Variants in FREM3 observed in about 807,000 individuals in gnomAD.
The protein encoded by FREM3 is FRAS1-related extracellular matrix protein 3.
Under a neutral mutation model 129.1 loss-of-function variants are expected in FREM3, and 105 were observed. The observed-to-expected ratio is 0.81, with a 90% CI of 0.69 to 0.96. FREM3 has a LOEUF of 0.96. FREM3 is among the 40% of genes least tolerant of loss of function. The pLI is 0.00. For missense variants in FREM3, 2,593 were observed against 2,666.3 expected, an observed-to-expected ratio of 0.97 and a Z score of 0.61; for synonymous variants, 1,014 against 1,044.9, an observed-to-expected ratio of 0.97 and a Z score of 0.57.
intron 1 of FREM3, among the ~76,000 whole-genome samples, 190 bp from the exon 2 acceptor site, chr4:143,693,392 A>G (rs1389692498): frequency 6.6e-6 from 1 of 152,220 alleles, no homozygotes; most frequent in Non-Finnish European, 1.5e-5. Context: ...ATTTGGTCTC[A>G]ATGAGGTACC....
intron 2 of FREM3, among the ~76,000 whole-genome samples, chr4:143,690,056 C>T (rs1255651333): frequency 6.6e-6 from 1 of 150,508 alleles, no homozygotes; most frequent in Non-Finnish European, 1.5e-5. Context: ...CTTGTCAAAA[C>T]CTTGATTCTA....
At chr4:143,680,254 T>A (rs1740226382) in intron 2 of FREM3, among the ~76,000 whole-genome samples, 2 of 147,258 alleles carry the variant, frequency 1.4e-5, no homozygotes, top group African/African-American at 2.7e-5. Flanking sequence ...TAGGGAATAA[T>A]GCATATATAT....
At chr4:143,586,631 T>G (rs1435392182) in intron 6 of FREM3, among the ~76,000 whole-genome samples, 1 of 152,056 alleles carries the variant, frequency 6.6e-6, no homozygotes, top group East Asian at 1.9e-4. Flanking sequence ...CAGCGGTGGG[T>G]AGAAGGGAAT....
chr4:143,692,306 T>C (rs753422378), intron 2 of FREM3, among the ~76,000 whole-genome samples: 1 of 152,180 alleles, frequency 6.6e-6, no homozygotes, highest in African/African-American at 2.4e-5. Flanking sequence ...GTATACCATA[T>C]GGCCTCTCAT....
chr4:143,679,690 C>A (rs1205577320), intron 2 of FREM3, among the ~76,000 whole-genome samples: 1 of 152,126 alleles, frequency 6.6e-6, no homozygotes. Context: ...CTTTACAGAA[C>A]CTGGGAATGC....
intron 6 of FREM3, among the ~76,000 whole-genome samples, chr4:143,608,491 G>A (rs1391773946): frequency 6.6e-6 from 1 of 152,124 alleles, no homozygotes; most frequent in Non-Finnish European, 1.5e-5. Flanking sequence ...AAGCTCTGGT[G>A]TTTGAGCCTA....
At chr4:143,590,832 C>A (rs1039347268) in intron 6 of FREM3, among the ~76,000 whole-genome samples, 1 of 152,116 alleles carries the variant, frequency 6.6e-6, no homozygotes, top group Non-Finnish European at 1.5e-5. Context: ...CCTCCTTGTA[C>A]CTCTGGTAGA....
intron 2 of FREM3, among the ~76,000 whole-genome samples, chr4:143,642,658 T>G (rs966946721): frequency 2.6e-5 from 4 of 152,130 alleles, no homozygotes; most frequent in Non-Finnish European, 5.9e-5. Context: ...AAGAATTAAG[T>G]GTAAAACTCA....
intron 5 of FREM3, among the ~76,000 whole-genome samples, chr4:143,616,388 C>T (rs1371740398): frequency 1.3e-5 from 2 of 152,138 alleles, no homozygotes; most frequent in African/African-American, 4.8e-5. Context: ...ACTTCTATAA[C>T]CTATGAACAC....
At position 143,694,272 on chromosome 4, in the gene FREM3, G is replaced by T. The variant is rs984385974; in HGVS notation, c.5186-1070C>A. Among the ~76,000 whole-genome samples the T allele has an allele frequency of 3.9e-5, 6 of 152,326 alleles. No homozygotes were observed. In the East Asian group the frequency reaches 1.2e-3, roughly 29 times the overall value. Reference sequence around the variant, plus strand: ...TTACAACATCCTGGCCCTCTATGGAGAGCCAGGTCTATTTGGTTTTGAATC... The same window carrying T: ...TTACAACATCCTGGCCCTCTATGGATAGCCAGGTCTATTTGGTTTTGAATC... On this transcript the variant is annotated intron_variant, in intron 1 of 7. Coordinates refer to ENST00000329798, the MANE Select transcript of FREM3 (RefSeq NM_001168235.2).
chr4:143,585,720 G>T lies in FREM3; in HGVS notation c.6178+124C>A. On this transcript the variant is annotated intron_variant, in intron 7 of 7. Transcript: ENST00000329798. The surrounding 1 kb of genome is among the most constrained non-coding windows in gnomAD (Gnocchi z 4.2). ...TATGTATACAAACCATCTACGTGCTGAAGCCAGAGAAACTTTCATTCAGAG... is the reference window on the plus strand; with the variant it reads ...TATGTATACAAACCATCTACGTGCTTAAGCCAGAGAAACTTTCATTCAGAG... The T allele has an allele frequency of 1.1e-6, 1 of 944,994 alleles. No individual in the cohort carries two copies. Among genetic ancestry groups the T allele is most frequent in the Non-Finnish European group, 1.5e-6 (1 of 652,122 alleles). 58.5% of individuals were successfully genotyped at this position (944,994 alleles called of 1,614,324 possible). A position where few individuals can be genotyped will look rare whatever the true frequency, so the allele number is the denominator to read the frequency against.
At chr4:143,676,537 G>T (rs1380092996) in intron 2 of FREM3, among the ~76,000 whole-genome samples, 1 of 152,146 alleles carries the variant, frequency 6.6e-6, no homozygotes, top group East Asian at 1.9e-4. Flanking sequence ...GGAAGTTCTG[G>T]CCAGGGCAAT....
chr4:143,606,645 C>T (rs558773798), intron 6 of FREM3, among the ~76,000 whole-genome samples: 62 of 152,198 alleles, frequency 4.1e-4, no homozygotes, highest in African/African-American at 1.4e-3. Context: ...GAGTTACAGA[C>T]TCAGAGGCAG....
chr4:143,660,315 T>G (rs1739686973), intron 2 of FREM3, among the ~76,000 whole-genome samples: 1 of 152,160 alleles, frequency 6.6e-6, no homozygotes, highest in Admixed American at 6.5e-5. Flanking sequence ...TAGCCAGTTT[T>G]CCCAGCACCA....
At chr4:143,623,496 C>G (rs961288958) in intron 4 of FREM3, among the ~76,000 whole-genome samples, 2 of 87,902 alleles carry the variant, frequency 2.3e-5, no homozygotes, top group Admixed American at 2.1e-4. Context: ...ATACTAATCC[C>G]CCCCCCCCCC....
At chr4:143,616,156 G>T (rs985005103) in intron 5 of FREM3, among the ~76,000 whole-genome samples, 12 of 152,140 alleles carry the variant, frequency 7.9e-5, no homozygotes, top group Non-Finnish European at 1.8e-4. Flanking sequence ...AACAATGGAA[G>T]CCAGAATATG....
chr4:143,648,823 C>T (rs1259803655), intron 2 of FREM3, among the ~76,000 whole-genome samples: 4 of 152,168 alleles, frequency 2.6e-5, no homozygotes, highest in Admixed American at 6.5e-5. Flanking sequence ...AGTGCAATGG[C>T]ATGATCATAG....
At chr4:143,654,728 C>T (rs1325810001) in intron 2 of FREM3, among the ~76,000 whole-genome samples, 2 of 152,202 alleles carry the variant, frequency 1.3e-5, no homozygotes, top group Non-Finnish European at 2.9e-5. Flanking sequence ...ATGACATCTA[C>T]TAATCTGGAG....
chr4:143,695,444 C>A, intron 1 of FREM3, 47 bp downstream of exon 1: 1 of 1,434,590 alleles, frequency 7.0e-7, no homozygotes, highest in South Asian at 1.4e-5. Context: ...GAGATCTGAT[C>A]CAATGAAGGA....
Sources: gnomAD v4.1 joint callset for allele counts (sites outside exome capture counted in the v4.1 genomes callset) on GRCh38, gnomAD v4.1.1 for gene constraint, Gnocchi (gnomAD v3.1) non-coding constraint, MANE v1.5 for transcripts, NCBI Gene and HGNC (gene_info 2026-07-23, HGNC 2026-07-21) for gene names.